GMEB1: variants seen among roughly 807,000 people sequenced by gnomAD.
GMEB1 encodes glucocorticoid modulatory element binding protein 1.
Under a neutral mutation model 52.4 loss-of-function variants are expected in GMEB1, and 6 were observed. The observed-to-expected ratio is 0.11, with a 90% confidence interval of 0.06 to 0.23. The LOEUF (loss-of-function observed/expected upper bound fraction) is 0.23. GMEB1 is among the 10% of genes least tolerant of loss of function. The pLI is 1.00. For missense variants in GMEB1, 486 were observed against 685.6 expected (o/e 0.71, Z 3.25); for synonymous variants, 255 against 244.9 (o/e 1.04, Z -0.38).
chr1:28,715,532 G>A lies in GMEB1; in HGVS notation c.*759G>A, dbSNP rs1671249733. On this transcript the variant is annotated 3_prime_UTR_variant, in exon 10 of 10. Transcript: ENST00000373816. ...CAGGAGAATCGCTTGAACCTGGGAA[G>A]GCAGAGGTTGCAGTGAGCCAAGATC... 1 of 151,236 alleles carries A rather than the reference G, an allele frequency of 6.6e-6. No individual in the cohort carries two copies. The highest frequency in any genetic ancestry group is 2.1e-4 in the South Asian group (1 of 4,776). The allele number at this position is 151,236 out of a possible 1,614,324, so 9.4% of individuals were successfully genotyped here. A position where few individuals can be genotyped will look rare whatever the true frequency, so the allele number is the denominator to read the frequency against.
intron 9 of GMEB1, among the ~76,000 whole-genome samples, chr1:28,713,427 A>G (rs556792537): frequency 3.3e-5 from 5 of 152,202 alleles, no homozygotes; most frequent in African/African-American, 9.6e-5. Flanking sequence ...TAGGCGTACT[A>G]TAATGCAAAA....
rs566264756 is a variant in GMEB1, at chr1:28,694,764, A to G, written c.440+1719A>G. On this transcript the variant is annotated intron_variant, in intron 5 of 9. Coordinates refer to ENST00000373816, the MANE Select transcript of GMEB1 (RefSeq NM_001319674.2). ...CTGCAACTTCCGCCTCCCAGGTTCA[A>G]GTGATTCTCCTGCCTCAGCTTCCTG... is the stretch of plus-strand genomic sequence containing the variant. 2.0e-5 allele frequency among the ~76,000 whole-genome samples: 3 copies of G among 151,972 alleles called. No individual in the cohort carries two copies. In the South Asian group the frequency reaches 6.2e-4, roughly 31 times the overall value.
chr1:28,674,797 C>T (rs1669071258), intron 1 of GMEB1, among the ~76,000 whole-genome samples: 1 of 129,824 alleles, frequency 7.7e-6, no homozygotes, highest in South Asian at 2.7e-4. Flanking sequence ...TGGCTCACTG[C>T]AAGCTCCGCC....
intron 5 of GMEB1, among the ~76,000 whole-genome samples, 195 bp downstream of exon 5, chr1:28,693,240 A>G (rs1670044754): frequency 1.3e-5 from 2 of 148,894 alleles, no homozygotes; most frequent in African/African-American, 2.5e-5. Context: ...TTTTTCTGAG[A>G]TGGAGTCTCA....
chr1:28,679,605 C>T (rs1669304795), intron 1 of GMEB1, among the ~76,000 whole-genome samples: 1 of 152,048 alleles, frequency 6.6e-6, no homozygotes, highest in African/African-American at 2.4e-5. Context: ...TTCTCAAGAG[C>T]AGGTATTGTT....
intron 8 of GMEB1, among the ~76,000 whole-genome samples, chr1:28,707,399 G>C (rs1197229149): frequency 6.6e-6 from 1 of 152,036 alleles, no homozygotes; most frequent in Non-Finnish European, 1.5e-5. Context: ...AGACCAGTTG[G>C]GAAGCTCTTA....
chr1:28,698,464 A>C, intron 6 of GMEB1, among the ~76,000 whole-genome samples: 1 of 151,110 alleles, frequency 6.6e-6, no homozygotes, highest in Admixed American at 6.6e-5. Context: ...TCTCAAGGTC[A>C]GGAGATCGAG....
intron 7 of GMEB1, among the ~76,000 whole-genome samples, chr1:28,703,444 C>G (rs1294982778): frequency 6.6e-6 from 1 of 152,058 alleles, no homozygotes; most frequent in Non-Finnish European, 1.5e-5. Context: ...GATGGATCAC[C>G]TGAGGTCGGG....
rs192517850 is a variant in GMEB1, at chr1:28,673,711, T to G, written c.-31+4872T>G. Reference sequence around the variant, plus strand: ...TGTGCTTAGTTTCAAAGTGTTGTTTTTGTCTTTGGAAATAACTACAGGCTG... The same window carrying G: ...TGTGCTTAGTTTCAAAGTGTTGTTTGTGTCTTTGGAAATAACTACAGGCTG... On this transcript the variant is annotated intron_variant, in intron 1 of 9. Coordinates refer to ENST00000373816, the MANE Select transcript of GMEB1 (RefSeq NM_001319674.2). Among the ~76,000 whole-genome samples the G allele has an allele frequency of 1.2e-4, 19 of 152,302 alleles. No individual in the cohort carries two copies. The East Asian group carries it at 3.3e-3, about 26-fold the overall frequency.
Position 28,693,043 on chromosome 1 carries a change from C to T in GMEB1, c.438C>T (p.Leu146=). The change falls in exon 5 of 10, where the codon CTC becomes CTT. Residue 146 remains leucine (L), a splice_region_variant and synonymous_variant. Transcript: ENST00000373816. The part of the protein sequence containing the change: ...KRAIRLGGIM[L]RKMMDSGQID... Reference sequence around the variant, plus strand: ...CTATTCGTCTGGGTGGGATCATGCTCAGGTAAGCTCTAATGTCAAGCACAT... The same window carrying T: ...CTATTCGTCTGGGTGGGATCATGCTTAGGTAAGCTCTAATGTCAAGCACAT... The T allele has an allele frequency of 6.4e-7, 1 of 1,561,346 alleles. No individual in the cohort carries two copies. The highest frequency in any genetic ancestry group is 8.8e-7 in the Non-Finnish European group (1 of 1,138,810).
chr1:28,680,681 G>A (rs1436719748), intron 1 of GMEB1, among the ~76,000 whole-genome samples: 1 of 151,760 alleles, frequency 6.6e-6, no homozygotes, highest in Non-Finnish European at 1.5e-5. Context: ...GTGGTAGTGA[G>A]CTGAGATCAT....
chr1:28,689,985 A>C, intron 2 of GMEB1, 119 bp from the exon 3 acceptor site: 6 of 630,628 alleles, frequency 9.5e-6, no homozygotes, highest in Non-Finnish European at 1.6e-5. Context: ...AGAGTTATAA[A>C]GTATATTTAT....
Position 28,710,662 on chromosome 1 carries a change from C to CTT in GMEB1, c.991+21_991+22dup. On this transcript the variant is annotated intron_variant, in intron 9 of 9. Coordinates refer to ENST00000373816, the MANE Select transcript of GMEB1 (RefSeq NM_001319674.2). ...TGACAGGTATGTATAAGTTATCGCT[C>CTT]TTCTTCGGTGATATCATGCTAATAT... is the stretch of plus-strand genomic sequence containing the variant. 6.7e-7 allele frequency: 1 copy of CTT among 1,497,870 alleles called. No individual in the cohort carries two copies. The highest frequency in any genetic ancestry group is 8.9e-7 in the Non-Finnish European group (1 of 1,119,570). The allele number at this position is 1,497,870 out of a possible 1,614,324, so 92.8% of individuals were successfully genotyped here. A position where few individuals can be genotyped will look rare whatever the true frequency, so the allele number is the denominator to read the frequency against.
chr1:28,710,289 GCC>G, intron 8 of GMEB1, among the ~76,000 whole-genome samples: 1 of 152,318 alleles, frequency 6.6e-6, no homozygotes, highest in Middle Eastern at 3.4e-3. Context: ...ACAGGCATGT[GCC>G]ACCATGCCCA....
chr1:28,691,596 A>G lies in GMEB1; in HGVS notation c.223A>G (p.Ile75Val), dbSNP rs746587161. 9.0e-6 allele frequency: 14 copies of G among 1,558,604 alleles called. No homozygotes were observed. The East Asian group carries it at 3.0e-4, about 34-fold the overall frequency. ...KIEEGIDTGT[I>V]EANEDMEIAY... ...TTTTCTGTTTTCAGATACAGGCACT[A>G]TAGAAGCAAATGAGGATATGGAAAT... Residue 75 changes from isoleucine to valine, a missense_variant, in exon 4 of 10, where the codon ATA becomes GTA. Ile to Val is a conservative substitution (Grantham distance 29, BLOSUM62 3). Transcript: ENST00000373816.
At chr1:28,684,500 T>C (rs1205925554) in intron 2 of GMEB1, among the ~76,000 whole-genome samples, 1 of 150,474 alleles carries the variant, frequency 6.6e-6, no homozygotes, top group African/African-American at 2.4e-5. Flanking sequence ...GAGGCGGAGC[T>C]TGTAGTGAGC....
Position 28,696,508 on chromosome 1 carries a change from A to G in GMEB1, c.441-419A>G, listed in dbSNP as rs374098933. 6.6e-5 allele frequency among the ~76,000 whole-genome samples: 10 copies of G among 152,308 alleles called. No homozygotes were observed. The South Asian group carries it at 1.9e-3, about 28-fold the overall frequency. ...AGTGAAAGCCAAATGACATTATAAC[A>G]TAGAATTTACTATAATTAAAATACC... is the stretch of plus-strand genomic sequence containing the variant. On this transcript the variant is annotated intron_variant, in intron 5 of 9. Transcript: ENST00000373816.
intron 1 of GMEB1, among the ~76,000 whole-genome samples, chr1:28,676,312 T>C (rs1282208264): frequency 6.6e-6 from 1 of 152,132 alleles, no homozygotes; most frequent in Non-Finnish European, 1.5e-5. Flanking sequence ...AATCTGAAAA[T>C]CTGAAACCCC....
intron 9 of GMEB1, among the ~76,000 whole-genome samples, chr1:28,713,019 G>A (rs543309506): frequency 9.3e-5 from 14 of 151,070 alleles, no homozygotes; most frequent in African/African-American, 2.4e-4. Flanking sequence ...TTAGCCAGGC[G>A]CGGTGGCGGG....
Sources: gnomAD v4.1 joint callset for allele counts (sites outside exome capture counted in the v4.1 genomes callset) on GRCh38, gnomAD v4.1.1 for gene constraint, MANE v1.5 for transcripts, NCBI Gene and HGNC (gene_info 2026-07-23, HGNC 2026-07-21) for gene names.